Variants in CTNND2 observed in about 807,000 individuals in gnomAD.
CTNND2 encodes catenin delta-2.
Under a neutral mutation model 144.4 loss-of-function variants are expected in CTNND2, and 22 were observed. The ratio of observed to expected loss-of-function variants is 0.15; its 90% confidence interval spans 0.11 to 0.22. The LOEUF (loss-of-function observed/expected upper bound fraction) is 0.22, where lower values mean the gene tolerates loss of function less well. Among genes scored for constraint, CTNND2 ranks in the 10% least tolerant of loss-of-function variants. The pLI is 1.00. For synonymous variants in CTNND2, 751 were observed against 695.6 expected (o/e 1.08, Z -1.25); for missense variants, 1,353 against 1,618.8 (o/e 0.84, Z 2.82).
chr5:11,604,470 G>A (rs188013114), intron 2 of CTNND2, among the ~76,000 whole-genome samples: 1 of 152,322 alleles, frequency 6.6e-6, no homozygotes, highest in East Asian at 1.9e-4. Context: ...AAGCCCCGAA[G>A]CTGATGTCTT....
Position 11,433,253 on chromosome 5 carries a change from C to A in CTNND2, c.288-21184G>T, listed in dbSNP as rs545735892. Among the ~76,000 whole-genome samples the A allele has an allele frequency of 4.2e-3, 637 of 151,144 alleles. 4 individuals carry two copies. The highest frequency in any genetic ancestry group is 0.013 in the African/African-American group (546 of 41,270). On this transcript the variant is annotated intron_variant, in intron 3 of 21. Transcript: ENST00000304623. Reference sequence around the variant, plus strand: ...AGAGCAAGACTCTGTCTCACACACACAAAAAAAAATTATTTACTTATTTAC... The same window carrying A: ...AGAGCAAGACTCTGTCTCACACACAAAAAAAAAAATTATTTACTTATTTAC...
chr5:11,840,728 A>G (rs1274090580), intron 1 of CTNND2, among the ~76,000 whole-genome samples: 1 of 152,186 alleles, frequency 6.6e-6, no homozygotes, highest in Non-Finnish European at 1.5e-5. Context: ...CTTATTTTCA[A>G]TGTAATGTAG....
At position 11,382,595 on chromosome 5, in the gene CTNND2, C is replaced by CTGTGTG. The variant is rs71582432; in HGVS notation, c.1177+2064_1177+2069dup. 9.5e-3 allele frequency among the ~76,000 whole-genome samples: 1,235 copies of CTGTGTG among 130,110 alleles called. 7 individuals carry two copies. Among genetic ancestry groups the CTGTGTG allele is most frequent in the East Asian group, 0.013 (61 of 4,576 alleles). The allele number at this position is 130,110 out of a possible 152,430, so 85.4% of individuals were successfully genotyped here. A position where few individuals can be genotyped will look rare whatever the true frequency, so the allele number is the denominator to read the frequency against. On this transcript the variant is annotated intron_variant, in intron 7 of 21. Transcript: ENST00000304623. The stretch of plus-strand genomic sequence containing the variant: ...CCTGGGCAACCGACAGAGTGAGACT[C>CTGTGTG]TGTGTGTGTGTGTGTGTGTGTGTGT...
At chr5:11,323,138 A>G (rs1752196869) in intron 9 of CTNND2, among the ~76,000 whole-genome samples, 1 of 151,688 alleles carries the variant, frequency 6.6e-6, no homozygotes, top group Non-Finnish European at 1.5e-5. Context: ...TCCTGGGGTT[A>G]AGTGATTCTC....
Position 10,972,962 on chromosome 5 carries a change from A to C in CTNND2, c.*491T>G, listed in dbSNP as rs1164671671. 6.5e-6 allele frequency: 1 copy of C among 153,162 alleles called. No individual in the cohort carries two copies. The highest frequency in any genetic ancestry group is 2.4e-5 in the African/African-American group (1 of 41,490). 9.5% of individuals were successfully genotyped at this position (153,162 alleles called of 1,614,324 possible). On this transcript the variant is annotated 3_prime_UTR_variant, in exon 22 of 22. Transcript: ENST00000304623. ...TGTAATGTACATCAAATACTTTACAACAATGCATTAACAAAAGGCAAGAAA... is the reference window on the plus strand; with the variant it reads ...TGTAATGTACATCAAATACTTTACACCAATGCATTAACAAAAGGCAAGAAA...
chr5:11,399,716 C>A (rs1164075688), intron 5 of CTNND2, among the ~76,000 whole-genome samples: 1 of 152,176 alleles, frequency 6.6e-6, no homozygotes, highest in Non-Finnish European at 1.5e-5. Flanking sequence ...TTTTCTATCT[C>A]ATTACTCTAT....
chr5:11,001,760 A>G (rs1580000595), intron 18 of CTNND2, among the ~76,000 whole-genome samples: 1 of 152,376 alleles, frequency 6.6e-6, no homozygotes, highest in East Asian at 1.9e-4. Context: ...TAGGTAAAAT[A>G]GTACCTAACA....
chr5:11,554,697 T>C (rs952906122), intron 3 of CTNND2, among the ~76,000 whole-genome samples: 5 of 152,226 alleles, frequency 3.3e-5, no homozygotes, highest in Non-Finnish European at 5.9e-5. Context: ...ACTACTATCA[T>C]CCTTTTCTTA....
chr5:11,577,813 G>T (rs977302789), intron 2 of CTNND2, among the ~76,000 whole-genome samples: 2 of 152,096 alleles, frequency 1.3e-5, no homozygotes, highest in African/African-American at 4.8e-5. Flanking sequence ...GAAATTTTAT[G>T]GAACTCATGT....
At chr5:11,457,659 T>C (rs1441028476) in intron 3 of CTNND2, among the ~76,000 whole-genome samples, 1 of 152,194 alleles carries the variant, frequency 6.6e-6, no homozygotes, top group Non-Finnish European at 1.5e-5. Flanking sequence ...CTCAGGGTTG[T>C]GCTGGATTAT....
chr5:11,684,555 A>G (rs911478965), intron 2 of CTNND2, among the ~76,000 whole-genome samples: 1 of 152,154 alleles, frequency 6.6e-6, no homozygotes, highest in Non-Finnish European at 1.5e-5. Context: ...TCCAAACTCT[A>G]TTTCTTCCAA....
chr5:11,074,081 A>T (rs1304669563), intron 16 of CTNND2, among the ~76,000 whole-genome samples: 1 of 152,220 alleles, frequency 6.6e-6, no homozygotes, highest in Non-Finnish European at 1.5e-5. Flanking sequence ...GACTTTCCAC[A>T]GCCTTGTATC....
At chr5:11,006,618 G>A (rs140289171) in intron 18 of CTNND2, among the ~76,000 whole-genome samples, 29 of 152,342 alleles carry the variant, frequency 1.9e-4, no homozygotes, top group African/African-American at 6.3e-4. Context: ...AATGAGACTC[G>A]TTGGATGCTC....
chr5:10,974,950 T>C (rs1242340193), intron 21 of CTNND2, among the ~76,000 whole-genome samples: 5 of 152,222 alleles, frequency 3.3e-5, no homozygotes, highest in Non-Finnish European at 7.3e-5. Context: ...AGTGGTGAAC[T>C]TCATCACAGC....
chr5:11,704,755 T>G (rs538798235), intron 2 of CTNND2, among the ~76,000 whole-genome samples: 1 of 151,988 alleles, frequency 6.6e-6, no homozygotes, highest in African/African-American at 2.4e-5. Flanking sequence ...CTGTCACAGT[T>G]TAGTTGTGGC....
chr5:11,800,307 C>A (rs753619934), intron 1 of CTNND2, among the ~76,000 whole-genome samples: 12 of 151,928 alleles, frequency 7.9e-5, no homozygotes, highest in Non-Finnish European at 1.8e-4. Context: ...TGATTCAATA[C>A]GATATGGTTT....
intron 2 of CTNND2, among the ~76,000 whole-genome samples, chr5:11,698,376 C>T (rs1581738704): frequency 1.3e-5 from 2 of 152,034 alleles, no homozygotes; most frequent in Middle Eastern, 3.4e-3. Flanking sequence ...GAAACCTCCG[C>T]CTCCTGGGTT....
At chr5:11,287,669 T>A (rs1747890165) in intron 9 of CTNND2, among the ~76,000 whole-genome samples, 1 of 152,196 alleles carries the variant, frequency 6.6e-6, no homozygotes, top group Non-Finnish European at 1.5e-5. Context: ...TATAAAGGGA[T>A]GATTTGAAAA....
chr5:11,442,966 T>C (rs1388122772), intron 3 of CTNND2, among the ~76,000 whole-genome samples: 1 of 147,442 alleles, frequency 6.8e-6, no homozygotes, highest in Non-Finnish European at 1.5e-5. Context: ...AAAATAAATA[T>C]ATATAATATA....
Sources: gnomAD v4.1 joint callset for allele counts (sites outside exome capture counted in the v4.1 genomes callset) on GRCh38, gnomAD v4.1.1 for gene constraint, MANE v1.5 for transcripts, NCBI Gene and HGNC (gene_info 2026-07-23, HGNC 2026-07-21) for gene names.